The following FTCDNL1 variants were observed in gnomAD, a reference collection of about 807,000 sequenced individuals.
FTCDNL1 encodes the protein formiminotransferase N-terminal subdomain-containing protein.
Under a neutral mutation model 5.9 loss-of-function variants are expected in FTCDNL1, and 11 were observed. That is an observed-to-expected ratio of 1.87 (90% CI 1.18 to 3.10). The LOEUF (loss-of-function observed/expected upper bound fraction) is 3.10, where lower values mean the gene tolerates loss of function less well. Among genes scored for constraint, FTCDNL1 ranks in the 30% most tolerant of loss-of-function variants. The pLI is 0.00. For missense variants in FTCDNL1, 115 were observed against 65.5 expected (o/e 1.76, Z -2.61); for synonymous variants, 58 against 24.8 (o/e 2.34, Z -3.99).
chr2:199,817,658 ACC>A lies in FTCDNL1; in HGVS notation c.397+1912_397+1913del, dbSNP rs1701432350. Among the ~76,000 whole-genome samples, 3 of 151,302 alleles carry A rather than the reference ACC, an allele frequency of 2.0e-5. No homozygotes were observed. In the South Asian group the frequency reaches 6.3e-4, roughly 32 times the overall value. Reference sequence around the variant, plus strand: ...CTTGGAAGGATGAGGTGGGGGAATCACCTGAGCCCATGAAGTTGTGGCTGCAG... The same window carrying A: ...CTTGGAAGGATGAGGTGGGGGAATCATGAGCCCATGAAGTTGTGGCTGCAG... On this transcript the variant is annotated intron_variant, in intron 4 of 4. Transcript: ENST00000420128.
downstream of FTCDNL1, among the ~76,000 whole-genome samples, chr2:199,758,345 G>T (rs911230918): frequency 6.6e-6 from 1 of 151,690 alleles, no homozygotes; most frequent in Non-Finnish European, 1.5e-5. Flanking sequence ...CACACTCAGG[G>T]TATGGATATG....
At chr2:199,813,640 C>G (rs889779890) in intron 4 of FTCDNL1, among the ~76,000 whole-genome samples, 3 of 152,058 alleles carry the variant, frequency 2.0e-5, no homozygotes, top group Non-Finnish European at 4.4e-5. Flanking sequence ...AGGCTGGGTG[C>G]GGTGGATCAT....
chr2:199,835,022 T>G (rs1220603120), intron 3 of FTCDNL1, among the ~76,000 whole-genome samples: 1 of 151,658 alleles, frequency 6.6e-6, no homozygotes, highest in Non-Finnish European at 1.5e-5. Flanking sequence ...AAAAAAAAAT[T>G]TAAAGATTAG....
intron 3 of FTCDNL1, among the ~76,000 whole-genome samples, chr2:199,761,598 G>A (rs1410529335): frequency 1.3e-5 from 2 of 152,146 alleles, no homozygotes; most frequent in East Asian, 1.9e-4. Context: ...ATTGCTGGCT[G>A]TGCTATGAGC....
intron 3 of FTCDNL1, among the ~76,000 whole-genome samples, chr2:199,827,431 A>T (rs1702102308): frequency 2.0e-5 from 3 of 152,184 alleles, no homozygotes; most frequent in Admixed American, 1.3e-4. Flanking sequence ...ACAGGCCCCT[A>T]TAAAGAGATA....
chr2:199,846,310 A>G (rs2076731698), intron 2 of FTCDNL1, 140 bp from the exon 3 acceptor site: 18 of 574,412 alleles, frequency 3.1e-5, no homozygotes, highest in Middle Eastern at 9.3e-4. Flanking sequence ...TTGAATAAAC[A>G]TGAAATTCAT....
chr2:199,752,290 T>C, the FTCDNL1 span, among the ~76,000 whole-genome samples: 1 of 152,202 alleles, frequency 6.6e-6, no homozygotes, highest in South Asian at 2.1e-4. Context: ...ACCATCCTTG[T>C]TTTCAAAAGA....
At chr2:199,706,301 C>A in the FTCDNL1 span, among the ~76,000 whole-genome samples, 1 of 152,074 alleles carries the variant, frequency 6.6e-6, no homozygotes, top group Non-Finnish European at 1.5e-5. Flanking sequence ...GGATGGAAAC[C>A]ACAACATCCC....
intron 3 of FTCDNL1, among the ~76,000 whole-genome samples, chr2:199,835,306 A>C (rs1284179075): frequency 6.6e-6 from 1 of 152,238 alleles, no homozygotes; most frequent in African/African-American, 2.4e-5. Flanking sequence ...AAAGCACAAC[A>C]ATTAGTATCT....
At chr2:199,719,196 C>T in the FTCDNL1 span, among the ~76,000 whole-genome samples, 1 of 152,018 alleles carries the variant, frequency 6.6e-6, no homozygotes, top group Admixed American at 6.6e-5. Context: ...GTCTTTACTC[C>T]ATCTTGAGTA....
In FTCDNL1 at chr2:199,774,710, AC is replaced by A. The variant is rs993809167; in HGVS notation, c.212-13876del. ...TAGACTTTCTGCATCTGAGACTTCA[AC>A]CTTCTATGGAGCTTTGCCATCCTGA... On this transcript the variant is annotated intron_variant, in intron 3 of 3. Transcript: ENST00000416668. 6.0e-4 allele frequency among the ~76,000 whole-genome samples: 91 copies of A among 152,198 alleles called. 1 individual carries two copies. Among genetic ancestry groups the A allele is most frequent in the African/African-American group, 2.2e-3 (91 of 41,528 alleles).
chr2:199,820,382 T>C (rs1486151607), intron 3 of FTCDNL1, among the ~76,000 whole-genome samples: 1 of 152,116 alleles, frequency 6.6e-6, no homozygotes, highest in African/African-American at 2.4e-5. Flanking sequence ...CACAGGAGGA[T>C]AGAGTGAAGC....
At chr2:199,845,942 G>A (rs1296202735) in intron 3 of FTCDNL1, 133 bp downstream of exon 3, 1 of 441,620 alleles carries the variant, frequency 2.3e-6, no homozygotes, top group Non-Finnish European at 4.0e-6. Context: ...ATTAAGTGTA[G>A]CTTTGTGGTA....
At chr2:199,767,798 A>T (rs2106271304) in intron 3 of FTCDNL1, among the ~76,000 whole-genome samples, 1 of 152,346 alleles carries the variant, frequency 6.6e-6, no homozygotes, top group South Asian at 2.1e-4. Flanking sequence ...TGGACTTCCC[A>T]GCCTCAAAAA....
chr2:199,759,657 A>G (rs1004474576), downstream of FTCDNL1, among the ~76,000 whole-genome samples: 1 of 152,252 alleles, frequency 6.6e-6, no homozygotes, highest in Non-Finnish European at 1.5e-5. Flanking sequence ...GAAATAGTTA[A>G]TAATGATAAT....
At chr2:199,717,909 CATGCTACTT>C in the FTCDNL1 span, among the ~76,000 whole-genome samples, 1 of 149,948 alleles carries the variant, frequency 6.7e-6, no homozygotes, top group African/African-American at 2.5e-5. Context: ...GACTCTCCAA[CATGCTACTT>C]ATGGAATAAC....
the FTCDNL1 span, among the ~76,000 whole-genome samples, chr2:199,668,618 C>T: frequency 6.6e-6 from 1 of 152,156 alleles, no homozygotes; most frequent in Admixed American, 6.5e-5. Context: ...TCTGCCACTA[C>T]TCTGAGACCT....
At chr2:199,750,211 G>C in the FTCDNL1 span, among the ~76,000 whole-genome samples, 5 of 151,712 alleles carry the variant, frequency 3.3e-5, no homozygotes, top group South Asian at 1.0e-3. Flanking sequence ...ACAAAAATTA[G>C]CCGAGCTTGG....
At chr2:199,702,940 G>A in the FTCDNL1 span, among the ~76,000 whole-genome samples, 1 of 152,138 alleles carries the variant, frequency 6.6e-6, no homozygotes, top group Non-Finnish European at 1.5e-5. Flanking sequence ...CAGAAATTAA[G>A]GAGGGTGATT....
Sources: gnomAD v4.1 joint callset for allele counts (sites outside exome capture counted in the v4.1 genomes callset) on GRCh38, gnomAD v4.1.1 for gene constraint, MANE v1.5 for transcripts, NCBI Gene and HGNC (gene_info 2026-07-23, HGNC 2026-07-21) for gene names.